TRAK1: variants seen among roughly 807,000 people sequenced by gnomAD.
TRAK1 encodes the protein trafficking kinesin-binding protein 1.
A neutral mutation model predicts 92.1 loss-of-function variants in TRAK1; 33 were observed. The ratio of observed to expected loss-of-function variants is 0.36; its 90% CI spans 0.27 to 0.48. TRAK1 has a LOEUF of 0.48. Among genes scored for constraint, TRAK1 ranks in the 20% least tolerant of loss-of-function variants. The pLI is 0.99. For synonymous variants in TRAK1, 521 were observed against 517.3 expected, an observed-to-expected ratio of 1.01 and a Z score of -0.10; for missense variants, 1,123 against 1,257.9, an observed-to-expected ratio of 0.89 and a Z score of 1.62.
At chr3:42,216,100 T>A (rs1709651518) in intron 14 of TRAK1, among the ~76,000 whole-genome samples, 2 of 152,134 alleles carry the variant, frequency 1.3e-5, no homozygotes, top group Non-Finnish European at 2.9e-5. Flanking sequence ...AGAGTTCCAA[T>A]CATCCTGCAA....
At chr3:42,222,230 C>T (rs765920659) in intron 15 of TRAK1, among the ~76,000 whole-genome samples, 2 of 152,124 alleles carry the variant, frequency 1.3e-5, no homozygotes, top group Non-Finnish European at 2.9e-5. Context: ...TGGGTAGCAC[C>T]GTTGATGTAG....
At chr3:42,210,433 T>C (rs1351187603) in intron 14 of TRAK1, 34 of 1,282,784 alleles carry the variant, frequency 2.7e-5, no homozygotes, top group Non-Finnish European at 3.2e-5. Flanking sequence ...AAAGTGGGCT[T>C]TTGGGTCCCT....
At chr3:42,160,165 G>T (rs945041464) in intron 2 of TRAK1, 1 of 1,280,044 alleles carries the variant, frequency 7.8e-7, no homozygotes, top group African/African-American at 1.5e-5. Context: ...TCCGGGTCCT[G>T]CCCGGGTGAT....
chr3:42,038,276 G>C (rs751370193), intron 1 of TRAK1, among the ~76,000 whole-genome samples: 6 of 152,164 alleles, frequency 3.9e-5, no homozygotes, highest in Non-Finnish European at 7.4e-5. Flanking sequence ...TTGGGATAGG[G>C]TCAGGAATAC....
chr3:42,218,109 C>T (rs1451855223), intron 14 of TRAK1: 1 of 985,268 alleles, frequency 1.0e-6, no homozygotes, highest in Non-Finnish European at 1.2e-6. Flanking sequence ...ACCATCTTGC[C>T]TTGTTCCTCT....
In TRAK1 at chr3:42,193,213, TTC is replaced by T. The variant is rs1706077321; in HGVS notation, c.900+12_900+13del. On this transcript the variant is annotated intron_variant, in intron 8 of 15. Coordinates refer to ENST00000327628, the MANE Select transcript of TRAK1 (RefSeq NM_001042646.3). ...CAGAAAAAGGCAAAAGCTGTAAGGC[TTC>T]TCTGTTTATCTGGCTGATACAACAA... 6.2e-7 allele frequency: 1 copy of T among 1,613,770 alleles called. No individual in the cohort carries two copies. Among genetic ancestry groups the T allele is most frequent in the Non-Finnish European group, 8.5e-7 (1 of 1,179,810 alleles).
intron 11 of TRAK1, 129 bp from the exon 12 acceptor site, chr3:42,200,689 G>C: frequency 1.1e-6 from 1 of 881,334 alleles, no homozygotes. Context: ...GCAGGCACAG[G>C]ATAGCAGGCT....
At chr3:42,157,816 C>T (rs1156957010) in intron 2 of TRAK1, among the ~76,000 whole-genome samples, 1 of 152,114 alleles carries the variant, frequency 6.6e-6, no homozygotes, top group Non-Finnish European at 1.5e-5. Flanking sequence ...AAGGGAATCT[C>T]AATAAGATCT....
chr3:42,017,407 G>A (rs2148876005), intron 1 of TRAK1, among the ~76,000 whole-genome samples: 1 of 152,300 alleles, frequency 6.6e-6, no homozygotes, highest in South Asian at 2.1e-4. Flanking sequence ...TGGGTTCTTA[G>A]GTTTTATTTT....
chr3:42,193,898 G>C lies in TRAK1; in HGVS notation c.975G>C (p.Glu325Asp). 1.2e-6 allele frequency: 2 copies of C among 1,613,644 alleles called. No individual in the cohort carries two copies. Among genetic ancestry groups the C allele is most frequent in the Non-Finnish European group, 1.7e-6 (2 of 1,179,730 alleles). ...ATGCCCAGCGGCAGCTCACAGCCGA[G>C]GTGAGCACCTCTCCCTCATTCCTTC... is the stretch of plus-strand genomic sequence containing the variant. ...AKDAQRQLTA[E>D]LRELEDKYAE... The change falls in exon 9 of 16, where the codon GAG becomes GAC. Residue 325 changes from glutamate to aspartate, a missense_variant and splice_region_variant. By Grantham distance (45) the Glu-to-Asp change is conservative (BLOSUM62 2). Around this residue, in one of 3 missense-constraint regions of TRAK1, gnomAD observed 686 missense variants for 747.6 expected, o/e 0.92. Coordinates refer to ENST00000327628, the MANE Select transcript of TRAK1 (RefSeq NM_001042646.3).
At chr3:42,167,279 G>C (rs921355963) in intron 2 of TRAK1, among the ~76,000 whole-genome samples, 2 of 152,130 alleles carry the variant, frequency 1.3e-5, no homozygotes, top group Non-Finnish European at 2.9e-5. Flanking sequence ...ACAGAGTTTT[G>C]TTTTGCTTTT....
chr3:42,122,575 A>G (rs754049758), intron 1 of TRAK1, among the ~76,000 whole-genome samples: 3 of 152,122 alleles, frequency 2.0e-5, no homozygotes, highest in Non-Finnish European at 4.4e-5. Context: ...GTTTAACCCC[A>G]TGTTCCCTCA....
chr3:42,133,718 C>T (rs1362692772), intron 2 of TRAK1, among the ~76,000 whole-genome samples: 2 of 152,200 alleles, frequency 1.3e-5, no homozygotes, highest in Non-Finnish European at 2.9e-5. Context: ...CACTTGCCAG[C>T]GTTGTGCTAA....
intron 11 of TRAK1, 138 bp from the exon 12 acceptor site, chr3:42,200,679 GC>G (rs912553640): frequency 2.6e-6 from 2 of 780,460 alleles, no homozygotes; most frequent in African/African-American, 3.5e-5. Context: ...GAAACAGGTG[GC>G]AGGCACAGGA....
At chr3:42,169,195 T>C (rs887296868) in intron 2 of TRAK1, among the ~76,000 whole-genome samples, 1 of 152,022 alleles carries the variant, frequency 6.6e-6, no homozygotes, top group East Asian at 1.9e-4. Context: ...CCTTTTCTTA[T>C]ACATTATATG....
chr3:42,095,034 T>C (rs1298993458), intron 1 of TRAK1, among the ~76,000 whole-genome samples: 4 of 152,222 alleles, frequency 2.6e-5, no homozygotes, highest in African/African-American at 9.6e-5. Flanking sequence ...GCCTGCTTAT[T>C]CATGTTCATC....
At chr3:42,042,337 G>T (rs1702578449) in intron 1 of TRAK1, among the ~76,000 whole-genome samples, 1 of 151,960 alleles carries the variant, frequency 6.6e-6, no homozygotes, top group Admixed American at 6.6e-5. Context: ...TATTAATATG[G>T]TATATCATAA....
At chr3:42,129,535 A>G (rs76487916) in intron 2 of TRAK1, among the ~76,000 whole-genome samples, 4,538 of 152,264 alleles carry the variant, frequency 0.03, 240 homozygotes, top group African/African-American at 0.1. Flanking sequence ...AGGTGGTACA[A>G]TGACCTTTTC....
chr3:42,087,820 A>G (rs758068637), upstream of TRAK1, among the ~76,000 whole-genome samples: 1 of 152,230 alleles, frequency 6.6e-6, no homozygotes, highest in Non-Finnish European at 1.5e-5. Flanking sequence ...ATGCAAAAAC[A>G]GAAAACTACA....
Sources: allele counts gnomAD v4.1 joint callset (sites outside exome capture counted in the v4.1 genomes callset), GRCh38; gene constraint gnomAD v4.1.1; regional missense constraint gnomAD v4.1.1; transcripts MANE v1.5; gene names NCBI Gene and HGNC (gene_info 2026-07-23, HGNC 2026-07-21).